Variants in EYS observed in about 807,000 individuals in gnomAD.
EYS encodes the protein EGF-like photoreceptor maintenance factor.
In EYS, 250 loss-of-function variants were observed where a neutral mutation model predicts 282.1. That is an observed-to-expected ratio of 0.89 (90% CI 0.80 to 0.98). The LOEUF (loss-of-function observed/expected upper bound fraction) is 0.98. EYS is among the 50% of genes least tolerant of loss of function. EYS has a pLI of 0.00. For synonymous variants in EYS, 1,355 were observed against 1,282.9 expected, an observed-to-expected ratio of 1.06 and a Z score of -1.20; for missense variants, 4,016 against 3,709.0, an observed-to-expected ratio of 1.08 and a Z score of -2.15.
intron 13 of EYS, among the ~76,000 whole-genome samples, chr6:65,044,455 A>G (rs1263828507): frequency 6.6e-6 from 1 of 151,730 alleles, no homozygotes; most frequent in African/African-American, 2.4e-5. Context: ...ATCCTTGCCC[A>G]ATCCAATTTT....
rs188947425 is a variant in EYS at position 64,833,348 on chromosome 6, G to A, written c.2993-10526C>T. 2.1e-3 allele frequency among the ~76,000 whole-genome samples: 313 copies of A among 151,886 alleles called. 1 individual carries two copies. Among genetic ancestry groups the A allele is most frequent in the Middle Eastern group, 0.014 (4 of 294 alleles). ...AATTATGCTTAAAATGTGAATTATAGGACAATTTTGCTTCAGATAAACAAG... is the reference window on the plus strand; with the variant it reads ...AATTATGCTTAAAATGTGAATTATAAGACAATTTTGCTTCAGATAAACAAG... On this transcript the variant is annotated intron_variant, in intron 19 of 42. Coordinates refer to ENST00000503581, the MANE Select transcript of EYS (RefSeq NM_001142800.2).
At chr6:64,932,158 C>G (rs1435955316) in intron 15 of EYS, among the ~76,000 whole-genome samples, 1 of 152,046 alleles carries the variant, frequency 6.6e-6, no homozygotes, top group African/African-American at 2.4e-5. Context: ...CCCTCTCTCC[C>G]CAGCTCTTCA....
At chr6:65,080,883 A>G (rs1466609730) in intron 12 of EYS, among the ~76,000 whole-genome samples, 2 of 152,068 alleles carry the variant, frequency 1.3e-5, no homozygotes, top group African/African-American at 2.4e-5. Context: ...AGTCCCTCTT[A>G]TGTTATTTGA....
intron 31 of EYS, among the ~76,000 whole-genome samples, chr6:64,134,538 T>C (rs557606916): frequency 1.3e-5 from 2 of 151,998 alleles, no homozygotes; most frequent in African/African-American, 2.4e-5. Flanking sequence ...GTTTTGACGA[T>C]GGATTAGAGG....
chr6:64,080,386 AC>A (rs200204270), intron 32 of EYS, among the ~76,000 whole-genome samples: 4,371 of 152,074 alleles, frequency 0.029, 66 homozygotes, highest in Non-Finnish European at 0.046. Flanking sequence ...CATATCCTTC[AC>A]CCACTTGTTG....
chr6:63,818,675 G>A (rs1771244272), intron 36 of EYS, among the ~76,000 whole-genome samples: 1 of 152,144 alleles, frequency 6.6e-6, no homozygotes, highest in African/African-American at 2.4e-5. Flanking sequence ...CACATTCCAG[G>A]CCACCACACT....
chr6:64,668,152 TA>T (rs1161866763), intron 22 of EYS, among the ~76,000 whole-genome samples: 1 of 152,172 alleles, frequency 6.6e-6, no homozygotes, highest in Non-Finnish European at 1.5e-5. Flanking sequence ...CAAATATAGT[TA>T]ATACAGACAA....
At chr6:64,612,716 C>T (rs1333577572) in intron 24 of EYS, among the ~76,000 whole-genome samples, 1 of 152,010 alleles carries the variant, frequency 6.6e-6, no homozygotes, top group Non-Finnish European at 1.5e-5. Flanking sequence ...TCTCCCTACC[C>T]AGCAGGGACT....
In EYS at chr6:64,989,394, A is replaced by AATATATATATATATATATATATAT. The variant is rs60684321; in HGVS notation, c.2259+8187_2259+8188insATATATATATATATATATATATAT. Reference sequence around the variant, plus strand: ...AAGAGGCTATTTACTGGCTAGCTGTAATATATATATATATATATATATGAA... The same window carrying AATATATATATATATATATATATAT: ...AAGAGGCTATTTACTGGCTAGCTGTAATATATATATATATATATATATATATATATATATATATATATATATGAA... On this transcript the variant is annotated intron_variant, in intron 14 of 42. Transcript: ENST00000503581. Among the ~76,000 whole-genome samples, 463 of 69,666 alleles carry AATATATATATATATATATATATAT rather than the reference A, an allele frequency of 6.6e-3. 52 individuals carry two copies. Among genetic ancestry groups the AATATATATATATATATATATATAT allele is most frequent in the African/African-American group, 9.6e-3 (126 of 13,118 alleles). The allele number at this position is 69,666 out of a possible 152,430, so 45.7% of individuals were successfully genotyped here.
intron 22 of EYS, among the ~76,000 whole-genome samples, chr6:64,686,027 A>G (rs555651126): frequency 1.5e-3 from 222 of 152,224 alleles, no homozygotes; most frequent in African/African-American, 5.2e-3. Flanking sequence ...GAAATTACAC[A>G]ATGCACTTCT....
intron 35 of EYS, among the ~76,000 whole-genome samples, chr6:63,950,925 G>A (rs1274823684): frequency 6.6e-6 from 1 of 151,938 alleles, no homozygotes; most frequent in Non-Finnish European, 1.5e-5. Flanking sequence ...CACATACTTG[G>A]GAAGACAGTC....
chr6:64,063,262 C>T (rs1221129521), intron 33 of EYS, among the ~76,000 whole-genome samples: 2 of 152,098 alleles, frequency 1.3e-5, no homozygotes, highest in African/African-American at 4.8e-5. Flanking sequence ...TCCATATATT[C>T]AATGGAAAAT....
intron 19 of EYS, among the ~76,000 whole-genome samples, chr6:64,862,063 CTAGACAGTGACTTCT>C (rs1232730385): frequency 6.6e-6 from 1 of 152,116 alleles, no homozygotes; most frequent in Admixed American, 6.5e-5. Flanking sequence ...GATAATTTTG[CTAGACAGTGACTTCT>C]AGGCTGGTGA....
At chr6:64,453,692 C>T (rs970201156) in intron 26 of EYS, among the ~76,000 whole-genome samples, 2 of 152,048 alleles carry the variant, frequency 1.3e-5, no homozygotes, top group Admixed American at 6.6e-5. Flanking sequence ...AAATGATGAG[C>T]TCATGTCCTT....
chr6:65,231,899 A>T (rs1422581396), intron 12 of EYS, among the ~76,000 whole-genome samples: 2 of 151,908 alleles, frequency 1.3e-5, no homozygotes, highest in Non-Finnish European at 2.9e-5. Context: ...AAAAGATATA[A>T]AGGCTTCTCC....
chr6:64,223,725 A>T (rs1766172218), intron 31 of EYS, among the ~76,000 whole-genome samples: 1 of 152,076 alleles, frequency 6.6e-6, no homozygotes, highest in Non-Finnish European at 1.5e-5. Flanking sequence ...GTGTCAAATT[A>T]TCTTTATGTG....
chr6:64,630,271 G>A (rs748539885), intron 22 of EYS, among the ~76,000 whole-genome samples: 1 of 151,878 alleles, frequency 6.6e-6, no homozygotes, highest in Non-Finnish European at 1.5e-5. Context: ...ATTTTATTTT[G>A]TATTTTTAAT....
chr6:64,505,524 G>A (rs1337753403), intron 26 of EYS, among the ~76,000 whole-genome samples: 7 of 152,156 alleles, frequency 4.6e-5, no homozygotes, highest in Non-Finnish European at 1.5e-5. Flanking sequence ...GAGGAGGCCT[G>A]CAGCCCACTC....
chr6:63,970,034 G>A (rs1006081746), intron 35 of EYS, among the ~76,000 whole-genome samples: 1 of 152,104 alleles, frequency 6.6e-6, no homozygotes, highest in Non-Finnish European at 1.5e-5. Context: ...CCCCCGCTAC[G>A]AGTGGAGATG....
Sources: gnomAD v4.1 joint callset for allele counts (sites outside exome capture counted in the v4.1 genomes callset) on GRCh38, gnomAD v4.1.1 for gene constraint, MANE v1.5 for transcripts, NCBI Gene and HGNC (gene_info 2026-07-23, HGNC 2026-07-21) for gene names.